GRID2: variants seen among roughly 807,000 people sequenced by gnomAD.
GRID2 encodes glutamate ionotropic receptor delta type subunit 2, also known as glutamate receptor ionotropic, delta-2.
In GRID2, 33 loss-of-function variants were observed where a neutral mutation model predicts 114.8. The ratio of observed to expected loss-of-function variants is 0.29; its 90% CI spans 0.22 to 0.38. The LOEUF is 0.38. Ranked by LOEUF, GRID2 falls within the 10% of genes least tolerant of loss-of-function variation. The pLI is 1.00. For synonymous variants in GRID2, 505 were observed against 449.9 expected, an observed-to-expected ratio of 1.12 and a Z score of -1.55; for missense variants, 1,184 against 1,257.7, an observed-to-expected ratio of 0.94 and a Z score of 0.89.
intron 12 of GRID2, among the ~76,000 whole-genome samples, chr4:93,508,028 G>A (rs1043111008): frequency 6.6e-6 from 1 of 151,844 alleles, no homozygotes; most frequent in Non-Finnish European, 1.5e-5. Flanking sequence ...GAATTGGGAG[G>A]GATAGCATTA....
intron 14 of GRID2, among the ~76,000 whole-genome samples, chr4:93,747,125 C>G (rs541924048): frequency 1.3e-5 from 2 of 151,982 alleles, no homozygotes; most frequent in African/African-American, 4.8e-5. Flanking sequence ...CCTCTTATTC[C>G]ACCGAAACAC....
At chr4:93,182,699 A>G (rs995909628) in intron 4 of GRID2, among the ~76,000 whole-genome samples, 4 of 152,334 alleles carry the variant, frequency 2.6e-5, no homozygotes, top group South Asian at 4.1e-4. Flanking sequence ...CAGAAACTTC[A>G]AGATTCTACA....
intron 2 of GRID2, among the ~76,000 whole-genome samples, chr4:93,061,245 G>A (rs1001880924): frequency 6.8e-6 from 1 of 147,130 alleles, no homozygotes; most frequent in Non-Finnish European, 1.5e-5. Flanking sequence ...ATTTCAGGGG[G>A]TTACAATAAA....
chr4:92,937,916 T>G (rs1049277620), intron 2 of GRID2, among the ~76,000 whole-genome samples: 2 of 146,674 alleles, frequency 1.4e-5, no homozygotes, highest in East Asian at 2.2e-4. Flanking sequence ...AATGCTTGTC[T>G]TCTTCCTTAT....
At position 93,706,872 on chromosome 4, in the gene GRID2, T is replaced by C. The variant is rs191858918; in HGVS notation, c.2361-62338T>C. ...TTTGTCATATATAGCTTTTATTGTA[T>C]TGAGGCATGTTCTTTCTATACTCAG... On this transcript the variant is annotated intron_variant, in intron 14 of 15. Transcript: ENST00000282020. Among the ~76,000 whole-genome samples, 31 of 152,272 alleles carry C rather than the reference T, an allele frequency of 2.0e-4. 1 individual carries two copies. Among genetic ancestry groups the C allele is most frequent in the Admixed American group, 2.0e-3 (31 of 15,286 alleles).
At chr4:93,298,073 A>G (rs573527453) in intron 8 of GRID2, among the ~76,000 whole-genome samples, 1 of 152,290 alleles carries the variant, frequency 6.6e-6, no homozygotes, top group Admixed American at 6.5e-5. Context: ...AGTATGTTTA[A>G]TAATGCTTTT....
At chr4:93,121,869 G>A (rs551503852) in intron 4 of GRID2, among the ~76,000 whole-genome samples, 1 of 152,142 alleles carries the variant, frequency 6.6e-6, no homozygotes, top group African/African-American at 2.4e-5. Flanking sequence ...ATTTTAATTT[G>A]CATTTTTCTG....
chr4:93,495,710 C>T (rs946354094), intron 12 of GRID2, among the ~76,000 whole-genome samples: 4 of 151,696 alleles, frequency 2.6e-5, no homozygotes, highest in African/African-American at 9.7e-5. Context: ...TATGTCTCTA[C>T]TTGATACGAA....
intron 14 of GRID2, among the ~76,000 whole-genome samples, chr4:93,729,553 T>C (rs1438647275): frequency 1.4e-5 from 2 of 141,948 alleles, no homozygotes; most frequent in Non-Finnish European, 3.0e-5. Flanking sequence ...AATCATTTTC[T>C]TTTTTTTTTT....
chr4:93,706,432 T>C (rs1236914029), intron 14 of GRID2, among the ~76,000 whole-genome samples: 1 of 152,194 alleles, frequency 6.6e-6, no homozygotes, highest in Non-Finnish European at 1.5e-5. Context: ...ATCTTTCACT[T>C]CTTTGATTGA....
At chr4:93,578,114 C>T (rs1736592577) in intron 13 of GRID2, among the ~76,000 whole-genome samples, 1 of 152,166 alleles carries the variant, frequency 6.6e-6, no homozygotes, top group Non-Finnish European at 1.5e-5. Flanking sequence ...TTTATCTGCT[C>T]TTCCGTGGTT....
intron 2 of GRID2, among the ~76,000 whole-genome samples, chr4:93,041,840 CTG>C (rs1725543292): frequency 1.3e-5 from 2 of 152,098 alleles, no homozygotes; most frequent in South Asian, 2.1e-4. Flanking sequence ...GCAAAAGTAA[CTG>C]TGGTTTTTGG....
chr4:92,848,879 G>A (rs1157983145), intron 2 of GRID2, among the ~76,000 whole-genome samples: 1 of 151,908 alleles, frequency 6.6e-6, no homozygotes, highest in Admixed American at 6.6e-5. Flanking sequence ...AAGTCCATGT[G>A]AGGACACTGT....
At chr4:92,431,617 A>T (rs1338792746) in intron 1 of GRID2, among the ~76,000 whole-genome samples, 4 of 150,462 alleles carry the variant, frequency 2.7e-5, no homozygotes, top group Non-Finnish European at 5.9e-5. Flanking sequence ...TCCTTCAAAC[A>T]TGAATAAGAA....
At chr4:92,805,498 T>C (rs1740365695) in intron 2 of GRID2, among the ~76,000 whole-genome samples, 1 of 152,080 alleles carries the variant, frequency 6.6e-6, no homozygotes, top group African/African-American at 2.4e-5. Context: ...AGGTACTTTT[T>C]ACAAATGTAT....
chr4:93,687,636 A>G (rs1477077687), intron 14 of GRID2, among the ~76,000 whole-genome samples: 1 of 152,052 alleles, frequency 6.6e-6, no homozygotes, highest in Non-Finnish European at 1.5e-5. Flanking sequence ...TGACCACTGG[A>G]TTCATAATGA....
chr4:92,571,353 C>A (rs893437666), intron 1 of GRID2, among the ~76,000 whole-genome samples: 1 of 152,040 alleles, frequency 6.6e-6, no homozygotes, highest in Non-Finnish European at 1.5e-5. Flanking sequence ...TATATATGCA[C>A]CCAATACAGG....
intron 8 of GRID2, among the ~76,000 whole-genome samples, chr4:93,301,858 G>A (rs184042956): frequency 8.5e-5 from 13 of 152,126 alleles, no homozygotes; most frequent in East Asian, 1.9e-4. Context: ...CATTTTGATC[G>A]TCAACCAGAA....
At chr4:92,336,059 C>A (rs1727146583) in intron 1 of GRID2, among the ~76,000 whole-genome samples, 1 of 152,108 alleles carries the variant, frequency 6.6e-6, no homozygotes, top group South Asian at 2.1e-4. Flanking sequence ...CCTTGATTTT[C>A]ATTACATACA....
Sources: gnomAD v4.1 joint callset for allele counts (sites outside exome capture counted in the v4.1 genomes callset) on GRCh38, gnomAD v4.1.1 for gene constraint, MANE v1.5 for transcripts, NCBI Gene and HGNC (gene_info 2026-07-23, HGNC 2026-07-21) for gene names.